AK4: variants seen among roughly 807,000 people sequenced by gnomAD.
The protein encoded by AK4 is adenylate kinase 4, mitochondrial.
A neutral mutation model predicts 24.6 loss-of-function variants in AK4; 13 were observed. That is an observed-to-expected ratio of 0.53 (90% CI 0.34 to 0.84). AK4 has a LOEUF of 0.84. Among genes scored for constraint, AK4 ranks in the 40% least tolerant of loss-of-function variants. AK4 has a pLI of 0.01. For missense variants in AK4, 192 were observed against 288.2 expected, an observed-to-expected ratio of 0.67 and a Z score of 2.42; for synonymous variants, 88 against 107.0, an observed-to-expected ratio of 0.82 and a Z score of 1.10.
chr1:65,185,108 C>T (rs1366894236), intron 1 of AK4, among the ~76,000 whole-genome samples: 9 of 152,146 alleles, frequency 5.9e-5, no homozygotes, highest in Admixed American at 5.9e-4. Flanking sequence ...GGTCTTCCTC[C>T]ACTGCTTCTG....
intron 3 of AK4, among the ~76,000 whole-genome samples, chr1:65,222,711 G>A (rs1652334909): frequency 6.6e-6 from 1 of 152,136 alleles, no homozygotes; most frequent in African/African-American, 2.4e-5. Context: ...TAATTACATG[G>A]CTTACTCATA....
chr1:65,223,028 A>G (rs1048315923), intron 3 of AK4, among the ~76,000 whole-genome samples: 2 of 151,732 alleles, frequency 1.3e-5, no homozygotes, highest in Admixed American at 6.6e-5. Context: ...CAGTTCTCAG[A>G]ATGTTTGTCC....
chr1:65,199,434 A>G (rs1046977272), intron 2 of AK4, among the ~76,000 whole-genome samples: 4 of 151,964 alleles, frequency 2.6e-5, no homozygotes, highest in African/African-American at 9.7e-5. Context: ...TTGTAGTCCC[A>G]GCTACTCGGG....
intron 1 of AK4, among the ~76,000 whole-genome samples, chr1:65,152,385 T>TATATA (rs1570055740): frequency 4.8e-5 from 1 of 20,658 alleles, no homozygotes. Context: ...TATATATATA[T>TATATA]TTTTTTTTTT....
intron 1 of AK4, among the ~76,000 whole-genome samples, chr1:65,189,190 C>T (rs889859805): frequency 9.9e-5 from 15 of 151,500 alleles, no homozygotes; most frequent in Non-Finnish European, 1.5e-4. Context: ...CTGCCTCGAC[C>T]TCCCAAAGTG....
intron 2 of AK4, among the ~76,000 whole-genome samples, chr1:65,203,716 A>G (rs1202443605): frequency 2.0e-5 from 3 of 152,082 alleles, no homozygotes. Flanking sequence ...GAGGCAGGAG[A>G]ATTGCTTGAA....
chr1:65,194,808 C>G (rs1272652546), intron 2 of AK4, among the ~76,000 whole-genome samples: 1 of 152,196 alleles, frequency 6.6e-6, no homozygotes, highest in Non-Finnish European at 1.5e-5. Context: ...CTACAGCTCC[C>G]CTCTTCTTCT....
chr1:65,155,553 T>C (rs1557436441), intron 1 of AK4, among the ~76,000 whole-genome samples: 1 of 152,140 alleles, frequency 6.6e-6, no homozygotes, highest in Non-Finnish European at 1.5e-5. Flanking sequence ...TTTCTGATTA[T>C]AGAAATAATA....
intron 1 of AK4, among the ~76,000 whole-genome samples, chr1:65,160,735 C>T (rs1219714104): frequency 3.9e-5 from 6 of 152,082 alleles, no homozygotes; most frequent in African/African-American, 7.2e-5. Flanking sequence ...GCAGGGACTA[C>T]AGGCGCATGC....
intron 2 of AK4, among the ~76,000 whole-genome samples, chr1:65,213,257 A>G (rs1652026261): frequency 6.6e-6 from 1 of 152,224 alleles, no homozygotes; most frequent in South Asian, 2.1e-4. Context: ...TCACCGTGAT[A>G]AGGTATTGAA....
chr1:65,174,647 C>T (rs1288124833), intron 1 of AK4, among the ~76,000 whole-genome samples: 2 of 152,152 alleles, frequency 1.3e-5, no homozygotes, highest in African/African-American at 2.4e-5. Context: ...GATGGTTGAA[C>T]AAAGAATTAC....
intron 1 of AK4, among the ~76,000 whole-genome samples, chr1:65,185,922 AC>A (rs1450928150): frequency 6.6e-6 from 1 of 151,686 alleles, no homozygotes; most frequent in African/African-American, 2.4e-5. Context: ...GCCTAATATG[AC>A]CATCTTAACT....
chr1:65,194,645 A>G (rs1246784077), intron 2 of AK4, among the ~76,000 whole-genome samples: 1 of 152,182 alleles, frequency 6.6e-6, no homozygotes, highest in African/African-American at 2.4e-5. Context: ...TATTTTTAGA[A>G]GAGACAGGGT....
Position 65,229,673 on chromosome 1 carries a change from A to T in AK4, c.*3496A>T, listed in dbSNP as rs1271089525. The T allele has an allele frequency of 1.3e-5, 2 of 152,198 alleles. No individual in the cohort carries two copies. The highest frequency in any genetic ancestry group is 2.9e-5 in the Non-Finnish European group (2 of 68,038). The allele number at this position is 152,198 out of a possible 1,614,324, so 9.4% of individuals were successfully genotyped here. A position where few individuals can be genotyped will look rare whatever the true frequency, so the allele number is the denominator to read the frequency against. ...AAGACCTCCTTTATGAATAGAATAA[A>T]AGACTGTCAAAGTAGGCTGGGCTTG... On this transcript the variant is annotated 3_prime_UTR_variant, in exon 5 of 5. Transcript: ENST00000327299.
In AK4 at chr1:65,196,318, T is replaced by A. The variant is rs574922187; in HGVS notation, c.265+5489T>A. On this transcript the variant is annotated intron_variant, in intron 2 of 4. Transcript: ENST00000327299. ...GGTGGGTGGAAATGAGTAGAGTGGA[T>A]CCAAGCCAAGGGAACCCCAAGTGGG... Among the ~76,000 whole-genome samples the A allele has an allele frequency of 1.3e-3, 203 of 152,064 alleles. 1 individual carries two copies. The highest frequency in any genetic ancestry group is 2.0e-3 in the Non-Finnish European group (136 of 67,962).
intron 1 of AK4, among the ~76,000 whole-genome samples, chr1:65,171,275 G>A (rs1650513118): frequency 7.9e-6 from 1 of 126,066 alleles, no homozygotes; most frequent in Non-Finnish European, 1.7e-5. Context: ...TTTGGATATA[G>A]ACTTATTCTG....
Position 65,192,341 on chromosome 1 carries a change from A to G in AK4, c.265+1512A>G, listed in dbSNP as rs117910465. On this transcript the variant is annotated intron_variant, in intron 2 of 4. Transcript: ENST00000327299. ...GAACTTATCCTTTTATCAGGAGCCT[A>G]TTGTTTTATCTAGAACCCACTTCTG... 1.4e-3 allele frequency among the ~76,000 whole-genome samples: 206 copies of G among 152,246 alleles called. 4 individuals carry two copies. The East Asian group carries it at 0.038, about 28-fold the overall frequency.
chr1:65,185,044 G>A (rs1651050311), intron 1 of AK4, among the ~76,000 whole-genome samples: 1 of 152,176 alleles, frequency 6.6e-6, no homozygotes, highest in Non-Finnish European at 1.5e-5. Context: ...TAAACTTGGG[G>A]TCGTACTGCT....
chr1:65,159,390 G>T (rs753030862), intron 1 of AK4, among the ~76,000 whole-genome samples: 1 of 152,248 alleles, frequency 6.6e-6, no homozygotes, highest in Non-Finnish European at 1.5e-5. Context: ...AGGTACAGTG[G>T]CTCACGCCTG....
Sources: gnomAD v4.1 joint callset for allele counts (sites outside exome capture counted in the v4.1 genomes callset) on GRCh38, gnomAD v4.1.1 for gene constraint, MANE v1.5 for transcripts, NCBI Gene and HGNC (gene_info 2026-07-23, HGNC 2026-07-21) for gene names.